Variants in KANK2 observed in about 807,000 individuals in gnomAD.
The protein encoded by KANK2 is KN motif and ankyrin repeat domains 2.
A neutral mutation model predicts 74.6 loss-of-function variants in KANK2; 41 were observed. That is an observed-to-expected ratio of 0.55 (90% CI 0.43 to 0.71). KANK2 has a LOEUF of 0.71. Among genes scored for constraint, KANK2 ranks in the 30% least tolerant of loss-of-function variants. The pLI, the probability that KANK2 is intolerant of heterozygous loss-of-function variation, is 0.00. For missense variants in KANK2, 1,148 were observed against 1,196.4 expected, an observed-to-expected ratio of 0.96 and a Z score of 0.60; for synonymous variants, 537 against 519.0, an observed-to-expected ratio of 1.03 and a Z score of -0.47.
intron 4 of KANK2, among the ~76,000 whole-genome samples, chr19:11,185,671 T>G (rs946674987): frequency 6.7e-6 from 1 of 150,142 alleles, no homozygotes; most frequent in African/African-American, 2.5e-5. Flanking sequence ...CTACAAGTAA[T>G]TGACTTACAG....
chr19:11,197,833 G>C (rs1007531542), upstream of KANK2: 1 of 151,934 alleles, frequency 6.6e-6, no homozygotes. Context: ...GGGCCGCTGC[G>C]GGGGGCGGAA....
Position 11,173,069 on chromosome 19 carries a change from G to A in KANK2, c.2123C>T (p.Thr708Ile). ...NRAGYSPIML[T>I]ALATLKTQDD... ...CTGGGTCTTCAGGGTGGCCAGGGCG[G>A]TGAGCATAATAGGGCTGTAGCCAGC... The change falls in exon 10 of 13, where the codon ACC (threonine) becomes ATC (isoleucine). Residue 708 changes from threonine to isoleucine, a missense_variant. Physicochemically the swap from Thr to Ile is moderately conservative, Grantham distance 89. Coordinates refer to ENST00000586659, the MANE Select transcript of KANK2 (RefSeq NM_001136191.3). 2 of 1,614,170 alleles carry A rather than the reference G, an allele frequency of 1.2e-6. No homozygotes were observed. The highest frequency in any genetic ancestry group is 1.7e-6 in the Non-Finnish European group (2 of 1,180,004).
chr19:11,192,068 G>A (rs12979363), intron 4 of KANK2, among the ~76,000 whole-genome samples: 10,535 of 151,988 alleles, frequency 0.069, 422 homozygotes, highest in Admixed American at 0.09. Context: ...TCTTAATAAC[G>A]ACAACAAGAA....
At chr19:11,189,923 T>C (rs1426027939) in intron 4 of KANK2, among the ~76,000 whole-genome samples, 1 of 151,986 alleles carries the variant, frequency 6.6e-6, no homozygotes, top group Non-Finnish European at 1.5e-5. Context: ...GTGTTTGGGA[T>C]AGACACAGAA....
intron 4 of KANK2, among the ~76,000 whole-genome samples, chr19:11,187,897 GGGCAACATAGTGAGACCTCATCT>G (rs1172299052): frequency 2.6e-5 from 4 of 152,056 alleles, no homozygotes; most frequent in East Asian, 1.9e-4. Context: ...AAACCAGCCT[GGGCAACATAGTGAGACCTCATCT>G]GGCAACATAG....
At chr19:11,179,177 G>C (rs191937191) in intron 4 of KANK2, among the ~76,000 whole-genome samples, 9 of 152,006 alleles carry the variant, frequency 5.9e-5, no homozygotes, top group African/African-American at 2.2e-4. Flanking sequence ...TTAGCCGGGC[G>C]TGGTGGTGCA....
chr19:11,193,222 G>A lies in KANK2; in HGVS notation c.858C>T (p.Ala286=), dbSNP rs575235870. ...GGGTCTCCAGCACAGCGACCTTGGC[G>A]GCGAGGGCAGCCTCCCCATCAGGCA... ...LGMPDGEAAL[A]AKVAVLETQL... Residue 286 remains alanine (A), a synonymous_variant, in exon 4 of 13, where the codon GCC becomes GCT. Coordinates refer to ENST00000586659, the MANE Select transcript of KANK2 (RefSeq NM_001136191.3). The surrounding 1 kb of genome is among the most constrained non-coding windows in gnomAD (Gnocchi z 9.6). 8.8e-5 allele frequency: 142 copies of A among 1,609,544 alleles called. 1 individual carries two copies. The South Asian group carries it at 1.2e-3, about 14-fold the overall frequency.
intron 8 of KANK2, among the ~76,000 whole-genome samples, chr19:11,175,224 C>T (rs11879508): frequency 0.081 from 12,249 of 151,512 alleles, 748 homozygotes; most frequent in East Asian, 0.21. Flanking sequence ...GTCACGAGTT[C>T]GAGACCATCC....
intron 2 of KANK2, chr19:11,195,283 CGGGTGGAGGCCCAGGAAGTCCTGG>C (rs940143102): frequency 2.0e-5 from 3 of 151,992 alleles, no homozygotes; most frequent in Non-Finnish European, 4.4e-5. Context: ...GATAGAGGGC[CGGGTGGAGGCCCAGGAAGTCCTGG>C]GGGTGGAGGG....
At position 11,178,633 on chromosome 19, in the gene KANK2, C is replaced by G. The variant is rs199665873; in HGVS notation, c.1337G>C (p.Arg446Pro). The stretch of plus-strand genomic sequence containing the variant: ...GTGGGTGGGCTCCTGGGTGGGCACT[C>G]GGCCTGTGCTCTTCTCAGGCTGTGT... ...SLTQPEKSTG[R>P]VPTQEPTHRE... The change falls in exon 5 of 13, where the codon CGA (arginine) becomes CCA (proline). Residue 446 changes from arginine (R) to proline (P), a missense_variant. Transcript: ENST00000586659. 3.1e-6 allele frequency: 5 copies of G among 1,591,028 alleles called. No homozygotes were observed. Among genetic ancestry groups the G allele is most frequent in the Non-Finnish European group, 4.3e-6 (5 of 1,172,030 alleles).
intron 10 of KANK2, among the ~76,000 whole-genome samples, chr19:11,172,049 C>G (rs912663921): frequency 4.0e-5 from 6 of 149,672 alleles, no homozygotes; most frequent in African/African-American, 1.5e-4. Context: ...GATCTCAGCT[C>G]ACTGCAACTT....
rs959658298 is a variant in KANK2 at position 11,184,333 on chromosome 19, G to A, written c.1250-5613C>T. On this transcript the variant is annotated intron_variant, in intron 4 of 12. Coordinates refer to ENST00000586659, the MANE Select transcript of KANK2 (RefSeq NM_001136191.3). ...AGAGGTTGCAGTGAGCCGAGATCGTGCCACTGCACTCCAGCCTGGATGACA... is the reference window on the plus strand; with the variant it reads ...AGAGGTTGCAGTGAGCCGAGATCGTACCACTGCACTCCAGCCTGGATGACA... Among the ~76,000 whole-genome samples, 20 of 150,076 alleles carry A rather than the reference G, an allele frequency of 1.3e-4. 1 individual carries two copies. Among genetic ancestry groups the A allele is most frequent in the Non-Finnish European group, 1.9e-4 (13 of 67,300 alleles).
intron 12 of KANK2, chr19:11,169,668 G>A (rs942085943): frequency 3.4e-6 from 2 of 595,096 alleles, no homozygotes; most frequent in Non-Finnish European, 6.0e-6. Flanking sequence ...GGGTGTGGTG[G>A]TGCACACCTG....
chr19:11,186,249 G>A (rs1338800651), intron 4 of KANK2, among the ~76,000 whole-genome samples: 4 of 151,732 alleles, frequency 2.6e-5, no homozygotes, highest in Non-Finnish European at 5.9e-5. Context: ...TCAGCCAGGT[G>A]TGGTGGCGGG....
In KANK2 at chr19:11,176,711, C is replaced by T. The variant is rs144418868; in HGVS notation, c.1627G>A (p.Glu543Lys). 40 of 1,612,124 alleles carry T rather than the reference C, an allele frequency of 2.5e-5. No homozygotes were observed. In the Admixed American group the frequency reaches 2.9e-4, roughly 12 times the overall value. The change falls in exon 7 of 13, where the codon GAA (glutamate) becomes AAA (lysine). Residue 543 changes from glutamate to lysine, a missense_variant. Physicochemically the swap from Glu to Lys is moderately conservative, Grantham distance 56 (BLOSUM62 1). Transcript: ENST00000586659. ...EPRERVPSVA[E>K]APQLRPAGTA... ...CCTGCAGGCCTGAGCTGGGGGGCTTCGGCCACACTCGGAACCCTCTCCCTC... is the reference window on the plus strand; with the variant it reads ...CCTGCAGGCCTGAGCTGGGGGGCTTTGGCCACACTCGGAACCCTCTCCCTC...
intron 2 of KANK2, chr19:11,194,913 A>C (rs1600828768): frequency 5.6e-6 from 1 of 177,140 alleles, no homozygotes; most frequent in Non-Finnish European, 1.2e-5. Flanking sequence ...CCCTTCCTGC[A>C]CCCCCTCCCC....
At chr19:11,172,857 G>A (rs2078216080) in intron 10 of KANK2, 124 bp downstream of exon 10, 1 of 1,019,034 alleles carries the variant, frequency 9.8e-7, no homozygotes, top group African/African-American at 1.6e-5. Flanking sequence ...CTGTGTCAGA[G>A]ACAGCCTGGC....
Position 11,178,606 on chromosome 19 carries a change from C to T in KANK2, c.1364G>A (p.Arg455Lys), listed in dbSNP as rs1431101542. 1 of 1,602,644 alleles carries T rather than the reference C, an allele frequency of 6.2e-7. No homozygotes were observed. Among genetic ancestry groups the T allele is most frequent in the Admixed American group, 1.7e-5 (1 of 57,802 alleles). Reference protein sequence around the residue: ...GRVPTQEPTHREPTRQAASQE... With the variant: ...GRVPTQEPTHKEPTRQAASQE... Reference sequence around the variant, plus strand: ...GGAGGCTGCTTGCCTGGTGGGCTCCCTGTGGGTGGGCTCCTGGGTGGGCAC... The same window carrying T: ...GGAGGCTGCTTGCCTGGTGGGCTCCTTGTGGGTGGGCTCCTGGGTGGGCAC... The change falls in exon 5 of 13, where the codon AGG becomes AAG. Residue 455 changes from arginine to lysine, a missense_variant. Coordinates refer to ENST00000586659, the MANE Select transcript of KANK2 (RefSeq NM_001136191.3).
Position 11,193,512 on chromosome 19 carries a change from C to T in KANK2, c.568G>A (p.Glu190Lys). ...PSAGHLAHVR[E>K]QMAGALRKLR... ...TTCCGCAGGGCACCCGCCATCTGCT[C>T]CCGCACGTGGGCCAGGTGCCCGGCA... The change falls in exon 4 of 13, where the codon GAG (glutamate) becomes AAG (lysine). Residue 190 changes from glutamate to lysine, a missense_variant. Coordinates refer to ENST00000586659, the MANE Select transcript of KANK2 (RefSeq NM_001136191.3). This position sits in a 1 kb window ranked among gnomAD's most constrained non-coding sequence, Gnocchi z 9.6. The T allele has an allele frequency of 1.2e-6, 2 of 1,608,928 alleles. No individual in the cohort carries two copies. Among genetic ancestry groups the T allele is most frequent in the Non-Finnish European group, 1.7e-6 (2 of 1,179,808 alleles).
Sources: gnomAD v4.1 joint callset for allele counts (sites outside exome capture counted in the v4.1 genomes callset) on GRCh38, gnomAD v4.1.1 for gene constraint, Gnocchi (gnomAD v3.1) non-coding constraint, MANE v1.5 for transcripts, NCBI Gene and HGNC (gene_info 2026-07-23, HGNC 2026-07-21) for gene names.